PDILT: variants seen among roughly 807,000 people sequenced by gnomAD.
The protein encoded by PDILT is protein disulfide-isomerase-like protein of the testis.
Under a neutral mutation model 53.7 loss-of-function variants are expected in PDILT, and 43 were observed. The ratio of observed to expected loss-of-function variants is 0.80; its 90% CI spans 0.63 to 1.03. The LOEUF is 1.03. Ranked by LOEUF, PDILT falls within the 50% of genes least tolerant of loss-of-function variation. The probability of loss-of-function intolerance (pLI) is 0.00; values close to 1 mark genes in which losing one functional copy is unlikely to be tolerated. For missense variants in PDILT, 727 were observed against 712.3 expected, an observed-to-expected ratio of 1.02 and a Z score of -0.24; for synonymous variants, 282 against 274.2, an observed-to-expected ratio of 1.03 and a Z score of -0.28.
intron 5 of PDILT, among the ~76,000 whole-genome samples, chr16:20,373,788 G>C (rs1270638874): frequency 6.6e-6 from 1 of 151,942 alleles, no homozygotes; most frequent in Non-Finnish European, 1.5e-5. Flanking sequence ...ACATCACTTT[G>C]CTTTTTCTGT....
intron 8 of PDILT, 110 bp downstream of exon 8, chr16:20,369,382 T>C: frequency 8.0e-7 from 1 of 1,245,840 alleles, no homozygotes; most frequent in Non-Finnish European, 1.2e-6. Flanking sequence ...ACAAAGTTGA[T>C]CTTTATTCTG....
intron 8 of PDILT, 82 bp from the exon 9 acceptor site, chr16:20,365,622 C>A: frequency 6.6e-7 from 1 of 1,505,866 alleles, no homozygotes; most frequent in Non-Finnish European, 9.1e-7. Flanking sequence ...TTGGAAACCA[C>A]TAAAGGTTTT....
At chr16:20,365,349 C>G in intron 9 of PDILT, 71 bp downstream of exon 9, 1 of 1,566,574 alleles carries the variant, frequency 6.4e-7, no homozygotes, top group South Asian at 1.1e-5. Flanking sequence ...CAGTGCCCAA[C>G]AATTCAGGAG....
chr16:20,363,383 A>T, intron 9 of PDILT, among the ~76,000 whole-genome samples: 1 of 151,658 alleles, frequency 6.6e-6, no homozygotes, highest in East Asian at 1.9e-4. Context: ...ATAGTGTTCC[A>T]CTCTAGTAGA....
chr16:20,399,842 A>G (rs972639120), intron 1 of PDILT, among the ~76,000 whole-genome samples: 2 of 152,098 alleles, frequency 1.3e-5, no homozygotes, highest in South Asian at 4.2e-4. Flanking sequence ...TTAAAAAGTC[A>G]TAACTATAAT....
At chr16:20,362,675 G>T in intron 9 of PDILT, 93 bp from the exon 10 acceptor site, 1 of 1,262,610 alleles carries the variant, frequency 7.9e-7, no homozygotes, top group Non-Finnish European at 1.1e-6. Context: ...TTCCACTTGT[G>T]GTCCTGCTGT....
At chr16:20,378,173 T>A (rs1966413829) in intron 3 of PDILT, among the ~76,000 whole-genome samples, 1 of 152,176 alleles carries the variant, frequency 6.6e-6, no homozygotes, top group Non-Finnish European at 1.5e-5. Context: ...CATGAAGGCT[T>A]TTCAAAAACT....
intron 10 of PDILT, among the ~76,000 whole-genome samples, chr16:20,361,541 T>C (rs912222317): frequency 6.6e-6 from 1 of 152,158 alleles, no homozygotes; most frequent in Non-Finnish European, 1.5e-5. Context: ...CACCTAAGCT[T>C]CTTTTCAGAT....
intron 8 of PDILT, among the ~76,000 whole-genome samples, chr16:20,365,830 C>T (rs963179026): frequency 6.6e-6 from 1 of 150,600 alleles, no homozygotes; most frequent in Non-Finnish European, 1.5e-5. Flanking sequence ...CGCCTATAAT[C>T]ACAGCACTTT....
intron 9 of PDILT, among the ~76,000 whole-genome samples, chr16:20,365,150 G>T (rs1205317418): frequency 2.0e-5 from 3 of 152,218 alleles, no homozygotes; most frequent in Non-Finnish European, 4.4e-5. Flanking sequence ...AGCAAACATT[G>T]TCAGCCATGA....
chr16:20,400,855 A>G (rs982611893), intron 1 of PDILT, among the ~76,000 whole-genome samples: 1 of 152,238 alleles, frequency 6.6e-6, no homozygotes, highest in Admixed American at 6.5e-5. Flanking sequence ...CAATACTATG[A>G]TCATACTTAA....
Position 20,399,127 on chromosome 16 carries a change from G to A in PDILT, c.174C>T (p.Asn58=). 1 of 1,614,198 alleles carries A rather than the reference G, an allele frequency of 6.2e-7. No homozygotes were observed. ...AAAGCACCATGAGGAAGCGGGTCTGGTTCAGCATCTGGGTCAGGCCAGCGG... is the reference window on the plus strand; with the variant it reads ...AAAGCACCATGAGGAAGCGGGTCTGATTCAGCATCTGGGTCAGGCCAGCGG... ...LTPAGLTQML[N]QTRFLMVLFH... is the part of the protein sequence containing the mutation. The change falls in exon 2 of 12, where the codon AAC becomes AAT. Residue 58 remains asparagine (N), a synonymous_variant. Transcript: ENST00000302451.
intron 9 of PDILT, among the ~76,000 whole-genome samples, chr16:20,363,722 A>G (rs1410039679): frequency 6.6e-6 from 1 of 152,160 alleles, no homozygotes; most frequent in Non-Finnish European, 1.5e-5. Context: ...ATAGGTAATT[A>G]CATGTCATGT....
intron 3 of PDILT, among the ~76,000 whole-genome samples, chr16:20,380,302 T>C (rs1966444761): frequency 6.6e-6 from 1 of 152,180 alleles, no homozygotes. Flanking sequence ...CTCTGTCTTA[T>C]GACCTGTTCT....
intron 9 of PDILT, 135 bp from the exon 10 acceptor site, chr16:20,362,717 C>T: frequency 1.5e-6 from 1 of 668,854 alleles, no homozygotes; most frequent in Non-Finnish European, 2.5e-6. Context: ...TTCTTTTAAT[C>T]ATATATTAGA....
At position 20,362,490 on chromosome 16, in the gene PDILT, T is replaced by C; in HGVS notation, c.1330A>G (p.Lys444Glu). Residue 444 changes from lysine (K) to glutamate (E), a missense_variant, in exon 10 of 12, where the codon AAG (lysine) becomes GAG (glutamate). Lys to Glu is a moderately conservative substitution (Grantham distance 56, BLOSUM62 1). Transcript: ENST00000302451. Reference sequence around the variant, plus strand: ...ATGTCATTTGCTGTGACATCGATCTTGGCAATGATAATTGTGGAGTGGTTT... The same window carrying C: ...ATGTCATTTGCTGTGACATCGATCTCGGCAATGATAATTGTGGAGTGGTTT... ...YQNHSTIIIA[K>E]IDVTANDIQL... The C allele has an allele frequency of 6.2e-7, 1 of 1,614,212 alleles. No individual in the cohort carries two copies. The highest frequency in any genetic ancestry group is 1.1e-5 in the South Asian group (1 of 91,076).
intron 4 of PDILT, 68 bp downstream of exon 4, chr16:20,376,000 A>G: frequency 6.3e-7 from 1 of 1,584,962 alleles, no homozygotes; most frequent in Non-Finnish European, 8.6e-7. Flanking sequence ...GTCTCCTCAC[A>G]CCACCCCCTC....
intron 9 of PDILT, among the ~76,000 whole-genome samples, 153 bp downstream of exon 9, chr16:20,365,267 C>G (rs1966172626): frequency 6.6e-6 from 1 of 152,120 alleles, no homozygotes; most frequent in South Asian, 2.1e-4. Flanking sequence ...TTCCTGATAG[C>G]ATCTTGAGTC....
At chr16:20,374,689 G>T in intron 5 of PDILT, 133 bp downstream of exon 5, 1 of 1,005,824 alleles carries the variant, frequency 9.9e-7, no homozygotes, top group Non-Finnish European at 1.4e-6. Flanking sequence ...GGGAGACTGT[G>T]ACTTCACAGA....
Sources: gnomAD v4.1 joint callset for allele counts (sites outside exome capture counted in the v4.1 genomes callset) on GRCh38, gnomAD v4.1.1 for gene constraint, MANE v1.5 for transcripts, NCBI Gene and HGNC (gene_info 2026-07-23, HGNC 2026-07-21) for gene names.